NCLN: variants seen among roughly 807,000 people sequenced by gnomAD.
NCLN encodes BOS complex subunit NCLN.
NCLN carries 34 observed loss-of-function variants against 69.5 expected under a neutral mutation model. The observed-to-expected ratio is 0.49, with a 90% CI of 0.37 to 0.65. NCLN has a LOEUF of 0.65. NCLN is among the 30% of genes least tolerant of loss of function. NCLN has a pLI of 0.00. For missense variants in NCLN, 710 were observed against 804.8 expected, an observed-to-expected ratio of 0.88 and a Z score of 1.42; for synonymous variants, 393 against 358.3, an observed-to-expected ratio of 1.10 and a Z score of -1.09.
chr19:3,189,002 C>T (rs1196259972), intron 1 of NCLN, among the ~76,000 whole-genome samples: 1 of 152,254 alleles, frequency 6.6e-6, no homozygotes, highest in Non-Finnish European at 1.5e-5. Context: ...TGCTTTCACC[C>T]CCGGGCCCAC....
chr19:3,191,026 G>T (rs557883840), intron 1 of NCLN, among the ~76,000 whole-genome samples: 22 of 146,042 alleles, frequency 1.5e-4, no homozygotes, highest in African/African-American at 4.9e-4. Context: ...GCAGCAGGGA[G>T]ATCGTCGTGG....
At chr19:3,192,269 C>T (rs1338628215) in intron 1 of NCLN, among the ~76,000 whole-genome samples, 1 of 149,824 alleles carries the variant, frequency 6.7e-6, no homozygotes, top group Non-Finnish European at 1.5e-5. Flanking sequence ...GGCATGGACC[C>T]GGCACGCGTT....
At chr19:3,200,310 G>GTTTT (rs539601039) in intron 5 of NCLN, among the ~76,000 whole-genome samples, 5 of 114,888 alleles carry the variant, frequency 4.4e-5, no homozygotes, top group African/African-American at 1.0e-4. Context: ...TTTTATTTAT[G>GTTTT]TATTTTTTTT....
chr19:3,200,079 C>T (rs948064322), intron 5 of NCLN, among the ~76,000 whole-genome samples: 9 of 151,856 alleles, frequency 5.9e-5, no homozygotes, highest in Non-Finnish European at 1.0e-4. Flanking sequence ...GCTGAGTGCC[C>T]GACCCCTTGG....
chr19:3,206,252 G>T lies in NCLN; in HGVS notation c.1336-10G>T, dbSNP rs1407300823. On this transcript the variant is annotated splice_polypyrimidine_tract_variant and intron_variant, in intron 11 of 14. Coordinates refer to ENST00000246117, the MANE Select transcript of NCLN (RefSeq NM_020170.4). ...GGGCCAGGCCATGACTACCACCACC[G>T]TCCCTACAGCAGATCCAGCAGGAGC... The T allele has an allele frequency of 1.3e-6, 2 of 1,543,096 alleles. No homozygotes were observed. Among genetic ancestry groups the T allele is most frequent in the East Asian group, 2.4e-5 (1 of 40,860 alleles).
Position 3,207,637 on chromosome 19 carries a change from C to T in NCLN, c.1641C>T (p.Ser547=), listed in dbSNP as rs548390011. 7 of 1,613,022 alleles carry T rather than the reference C, an allele frequency of 4.3e-6. No homozygotes were observed. The highest frequency in any genetic ancestry group is 2.7e-5 in the African/African-American group (2 of 75,058). ...TCCTGCTGTGTCCCCAGCACTTCAG[C>T]CTCCTCTACAAGACCGTCCAGAGGC... is the stretch of plus-strand genomic sequence containing the variant. The part of the protein sequence containing the change: ...GMAYVAVQHF[S]LLYKTVQRLL... The change falls in exon 15 of 15, where the codon AGC becomes AGT. Residue 547 remains serine (S), a synonymous_variant. Coordinates refer to ENST00000246117, the MANE Select transcript of NCLN (RefSeq NM_020170.4).
chr19:3,198,523 A>AG (rs1568312702), intron 4 of NCLN, among the ~76,000 whole-genome samples: 6 of 149,284 alleles, frequency 4.0e-5, no homozygotes, highest in Admixed American at 2.0e-4. Flanking sequence ...AAAAAAAAAA[A>AG]CACAAACAAA....
chr19:3,188,709 GTA>G (rs1337999947), intron 1 of NCLN, among the ~76,000 whole-genome samples: 1 of 152,250 alleles, frequency 6.6e-6, no homozygotes. Flanking sequence ...AGCTTTCCCT[GTA>G]TGTGGCATTC....
Position 3,204,560 on chromosome 19 carries a change from C to T in NCLN, c.1030-13C>T. On this transcript the variant is annotated splice_polypyrimidine_tract_variant and intron_variant, in intron 8 of 14. Coordinates refer to ENST00000246117, the MANE Select transcript of NCLN (RefSeq NM_020170.4). ...CCCCGCCTGCCCTCTGCTAATGGCG[C>T]CTCCGGCTGCAGGTGGCCGCGCACC... is the stretch of plus-strand genomic sequence containing the variant. The T allele has an allele frequency of 6.6e-7, 1 of 1,522,774 alleles. No individual in the cohort carries two copies. The highest frequency in any genetic ancestry group is 8.8e-7 in the Non-Finnish European group (1 of 1,132,636). The allele number at this position is 1,522,774 out of a possible 1,614,324, so 94.3% of individuals were successfully genotyped here. A position where few individuals can be genotyped will look rare whatever the true frequency, so the allele number is the denominator to read the frequency against.
intron 5 of NCLN, 43 bp from the exon 6 acceptor site, chr19:3,201,480 C>G: frequency 6.9e-7 from 1 of 1,441,516 alleles, no homozygotes; most frequent in Non-Finnish European, 9.4e-7. Context: ...GGTGCGGGAG[C>G]CGGGCGGGGG....
rs1018014357 is a variant in NCLN, at chr19:3,205,493, A to G, written c.1209-446A>G. Among the ~76,000 whole-genome samples, 6 of 152,306 alleles carry G rather than the reference A, an allele frequency of 3.9e-5. No homozygotes were observed. Among genetic ancestry groups the G allele is most frequent in the Non-Finnish European group, 5.9e-5 (4 of 68,004 alleles). On this transcript the variant is annotated intron_variant, in intron 9 of 14. Coordinates refer to ENST00000246117, the MANE Select transcript of NCLN (RefSeq NM_020170.4). The surrounding 1 kb of genome is among the most constrained non-coding windows in gnomAD (Gnocchi z 4.6). ...GAAAGGATGGAGGTGGCGGTCGCCCACCAGCCAGGAAAGATTGCCAGGAAA... is the reference window on the plus strand; with the variant it reads ...GAAAGGATGGAGGTGGCGGTCGCCCGCCAGCCAGGAAAGATTGCCAGGAAA...
rs373909239 is a variant in NCLN, at chr19:3,207,708, G to A, written c.*20G>A. ...CAGTGACACAGCCACCCCCACAGCC[G>A]GAGCCCCCGCCGCTCCACAGTCCCT... On this transcript the variant is annotated 3_prime_UTR_variant, in exon 15 of 15. Coordinates refer to ENST00000246117, the MANE Select transcript of NCLN (RefSeq NM_020170.4). 37 of 1,600,506 alleles carry A rather than the reference G, an allele frequency of 2.3e-5. 1 individual carries two copies. The Middle Eastern group carries it at 5.0e-4, about 21-fold the overall frequency.
chr19:3,199,051 C>G (rs1028292480), intron 5 of NCLN, among the ~76,000 whole-genome samples, 154 bp downstream of exon 5: 4 of 152,224 alleles, frequency 2.6e-5, no homozygotes, highest in African/African-American at 9.6e-5. Flanking sequence ...CCGCGAGGGC[C>G]TCAGGGTGGG....
Position 3,207,463 on chromosome 19 carries a change from T to A in NCLN, c.1626T>A (p.Ala542=). The A allele has an allele frequency of 6.2e-7, 1 of 1,612,878 alleles. No individual in the cohort carries two copies. The highest frequency in any genetic ancestry group is 8.5e-7 in the Non-Finnish European group (1 of 1,179,972). The stretch of plus-strand genomic sequence containing the variant: ...CCTACCTCGGCATGGCCTACGTGGC[T>A]GTCCAGGTGAGCAGTGCCCAGGCTC... ...IAAYLGMAYV[A]VQHFSLLYKT... Residue 542 remains alanine, a synonymous_variant, in exon 14 of 15, where the codon GCT becomes GCA. Transcript: ENST00000246117.
In NCLN at chr19:3,186,108, G is replaced by T. The variant is rs1915661381; in HGVS notation, c.78G>T (p.Leu26=). Residue 26 remains leucine, a synonymous_variant, in exon 1 of 15, where the codon CTG becomes CTT. Transcript: ENST00000246117. ...TGCCGCTCGGCTTCATCGTCTTCCT[G>T]CCCGCTGTGCTGCTGCTGGTGGCGC... ...SCLPLGFIVF[L]PAVLLLVAPP... is the part of the protein sequence containing the mutation. 2 of 1,599,074 alleles carry T rather than the reference G, an allele frequency of 1.3e-6. No homozygotes were observed. The highest frequency in any genetic ancestry group is 8.5e-7 in the Non-Finnish European group (1 of 1,174,740).
In NCLN at chr19:3,192,612, C is replaced by A; in HGVS notation, c.327C>A (p.Val109=). ...KALRQSAGAV[V]IILPRAMAAV... is the part of the protein sequence containing the mutation. ...TGCGGCAGTCGGCGGGCGCCGTGGT[C>A]ATCATCCTGCCCAGGGCCATGGCCG... The change falls in exon 2 of 15, where the codon GTC becomes GTA. Residue 109 remains valine (V), a synonymous_variant. Transcript: ENST00000246117. 6.2e-7 allele frequency: 1 copy of A among 1,602,682 alleles called. No homozygotes were observed. Among genetic ancestry groups the A allele is most frequent in the South Asian group, 1.1e-5 (1 of 90,240 alleles).
intron 11 of NCLN, 32 bp from the exon 12 acceptor site, chr19:3,206,230 C>A (rs1223210672): frequency 1.3e-6 from 2 of 1,524,012 alleles, no homozygotes; most frequent in Admixed American, 2.0e-5. Context: ...GTGGGCGGGG[C>A]CAGGCCATGA....
rs374514018 is a variant in NCLN, at chr19:3,188,135, C to T, written c.184+1921C>T. ...GACCCCACTCCTAGAGCTCGAGATA[C>T]CCTGTTCACACTCTTGGCATCTCCT... On this transcript the variant is annotated intron_variant, in intron 1 of 14. Coordinates refer to ENST00000246117, the MANE Select transcript of NCLN (RefSeq NM_020170.4). 8.5e-5 allele frequency among the ~76,000 whole-genome samples: 13 copies of T among 152,112 alleles called. 1 individual carries two copies. The East Asian group carries it at 1.6e-3, about 18-fold the overall frequency.
chr19:3,186,028 A>G lies in NCLN; in HGVS notation c.-3A>G. 6.4e-7 allele frequency: 1 copy of G among 1,558,472 alleles called. No individual in the cohort carries two copies. Among genetic ancestry groups the G allele is most frequent in the Non-Finnish European group, 8.6e-7 (1 of 1,157,426 alleles). The stretch of plus-strand genomic sequence containing the variant: ...GCCCCGCGCGGCCCCGCCGCCGGCC[A>G]GGATGCTGGAGGAAGCGGGCGAGGT... On this transcript the variant is annotated 5_prime_UTR_variant, in exon 1 of 15. Coordinates refer to ENST00000246117, the MANE Select transcript of NCLN (RefSeq NM_020170.4).
Sources: allele counts gnomAD v4.1 joint callset (sites outside exome capture counted in the v4.1 genomes callset), GRCh38; gene constraint gnomAD v4.1.1; non-coding constraint Gnocchi (gnomAD v3.1); transcripts MANE v1.5; gene names NCBI Gene and HGNC (gene_info 2026-07-23, HGNC 2026-07-21).